Variants in SLC4A8 observed in about 807,000 individuals in gnomAD.
SLC4A8 encodes the protein electroneutral sodium bicarbonate exchanger 1.
A neutral mutation model predicts 125.0 loss-of-function variants in SLC4A8; 40 were observed. The ratio of observed to expected loss-of-function variants is 0.32; its 90% CI spans 0.25 to 0.42. The LOEUF (loss-of-function observed/expected upper bound fraction) is 0.42. Ranked by LOEUF, SLC4A8 falls within the 10% of genes least tolerant of loss-of-function variation. The pLI is 1.00. For missense variants in SLC4A8, 863 were observed against 1,355.1 expected, an observed-to-expected ratio of 0.64 and a Z score of 5.70; for synonymous variants, 456 against 476.0, an observed-to-expected ratio of 0.96 and a Z score of 0.55.
intron 13 of SLC4A8, among the ~76,000 whole-genome samples, 169 bp downstream of exon 13, chr12:51,470,694 C>A (rs946773876): frequency 1.3e-5 from 2 of 152,130 alleles, no homozygotes; most frequent in Admixed American, 6.5e-5. Context: ...TAGCACCATA[C>A]CCAAAATAGC....
In SLC4A8 at chr12:51,507,428, T is replaced by C. The variant is rs1265170326; in HGVS notation, c.3272T>C (p.Leu1091Pro). Residue 1091 changes from leucine (L) to proline (P), a missense_variant and splice_region_variant, in exon 25 of 25, where the codon CTC becomes CCC. Transcript: ENST00000453097. ...CTAATTGTAACACTTTTATTCAGTC[T>C]CTTCAACTAAGAGTCTTTGCTGGGA... is the stretch of plus-strand genomic sequence containing the variant. The part of the protein sequence containing the change: ...MNSGNAKEKS[L>P]FN 4 of 1,393,554 alleles carry C rather than the reference T, an allele frequency of 2.9e-6. No homozygotes were observed. Among genetic ancestry groups the C allele is most frequent in the African/African-American group, 1.5e-5 (1 of 68,224 alleles). 86.3% of individuals were successfully genotyped at this position (1,393,554 alleles called of 1,614,324 possible).
rs1050613247 is a variant in SLC4A8, at chr12:51,409,542, T to C, written c.-112+18054T>C. The stretch of plus-strand genomic sequence containing the variant: ...AATAATATAATTTAATCTCTTTCTT[T>C]TTGATATTTTTAAAGAGATGGGGTC... On this transcript the variant is annotated intron_variant, in intron 1 of 24. Coordinates refer to the SLC4A8 transcript ENST00000358657. Among the ~76,000 whole-genome samples, 14 of 152,172 alleles carry C rather than the reference T, an allele frequency of 9.2e-5. 1 individual carries two copies. Among genetic ancestry groups the C allele is most frequent in the Non-Finnish European group, 4.4e-5 (3 of 68,046 alleles).
At chr12:51,446,363 C>A (rs142191483) in intron 2 of SLC4A8, among the ~76,000 whole-genome samples, 1 of 152,200 alleles carries the variant, frequency 6.6e-6, no homozygotes, top group Admixed American at 6.5e-5. Context: ...ATCCTCTAAT[C>A]CTTACTGTTT....
intron 1 of SLC4A8, among the ~76,000 whole-genome samples, chr12:51,411,185 C>T (rs1160470104): frequency 6.6e-6 from 1 of 151,650 alleles, no homozygotes; most frequent in East Asian, 1.9e-4. Context: ...TTTCTCCTTC[C>T]CTGTCCCTTC....
intron 1 of SLC4A8, among the ~76,000 whole-genome samples, chr12:51,409,608 GGTGCAATCATA>G (rs1948558394): frequency 6.6e-6 from 1 of 152,118 alleles, no homozygotes. Flanking sequence ...GCTATTCATA[GGTGCAATCATA>G]GTGCACTGCA....
chr12:51,444,251 C>T (rs1221396463), intron 2 of SLC4A8, among the ~76,000 whole-genome samples: 1 of 152,134 alleles, frequency 6.6e-6, no homozygotes, highest in East Asian at 1.9e-4. Flanking sequence ...GTGCTATATT[C>T]ATTTCCTAGT....
chr12:51,392,641 C>G (rs1948160571), intron 1 of SLC4A8: 1 of 151,822 alleles, frequency 6.6e-6, no homozygotes, highest in African/African-American at 2.4e-5. Context: ...CTAAATATTC[C>G]GAAACTCGGG....
intron 1 of SLC4A8, among the ~76,000 whole-genome samples, chr12:51,402,607 A>G (rs1948412748): frequency 1.3e-5 from 2 of 152,108 alleles, no homozygotes; most frequent in African/African-American, 4.8e-5. Flanking sequence ...CTGTAATCCC[A>G]GCTACCTGGG....
chr12:51,468,714 G>A (rs140912961), intron 11 of SLC4A8, among the ~76,000 whole-genome samples: 108 of 152,222 alleles, frequency 7.1e-4, no homozygotes, highest in African/African-American at 2.6e-3. Context: ...GACCAGAGAT[G>A]GCGCCACTGC....
intron 16 of SLC4A8, among the ~76,000 whole-genome samples, chr12:51,484,100 A>G (rs1344784207): frequency 2.0e-5 from 3 of 152,110 alleles, no homozygotes; most frequent in African/African-American, 7.3e-5. Flanking sequence ...CACATTTTCA[A>G]TACAGGGTAC....
intron 1 of SLC4A8, among the ~76,000 whole-genome samples, chr12:51,400,605 A>G (rs907548245): frequency 4.6e-5 from 7 of 150,734 alleles, no homozygotes; most frequent in African/African-American, 1.7e-4. Context: ...AGAACACCTC[A>G]GGGGTCTGTG....
rs1479219028 is a variant in SLC4A8, at chr12:51,480,421, G to A, written c.2172+5215G>A. ...GCAATATTATCTGTGAGTGAAAAGTGGAATAATACGTGGATTGGGTCAACT... is the reference window on the plus strand; with the variant it reads ...GCAATATTATCTGTGAGTGAAAAGTAGAATAATACGTGGATTGGGTCAACT... On this transcript the variant is annotated intron_variant, in intron 16 of 24. Coordinates refer to ENST00000453097, the MANE Select transcript of SLC4A8 (RefSeq NM_001039960.3). 5.4e-6 allele frequency: 6 copies of A among 1,115,672 alleles called. 1 individual carries two copies. The South Asian group carries it at 1.2e-4, about 22-fold the overall frequency. The allele number at this position is 1,115,672 out of a possible 1,614,324, so 69.1% of individuals were successfully genotyped here. A position where few individuals can be genotyped will look rare whatever the true frequency, so the allele number is the denominator to read the frequency against.
chr12:51,489,408 T>C lies in SLC4A8; in HGVS notation c.2449-292T>C, dbSNP rs150847802. ...AATGGTCAAGATGTGGCAGGGTGTC[T>C]GGTTAATCTTCCAGAGAAGAATGGA... is the stretch of plus-strand genomic sequence containing the variant. On this transcript the variant is annotated intron_variant, in intron 18 of 24. Transcript: ENST00000453097. Among the ~76,000 whole-genome samples the C allele has an allele frequency of 3.3e-4, 50 of 152,322 alleles. 1 individual carries two copies. In the East Asian group the frequency reaches 9.6e-3, roughly 29 times the overall value.
chr12:51,417,746 G>C (rs1490956946), intron 1 of SLC4A8, among the ~76,000 whole-genome samples: 1 of 152,206 alleles, frequency 6.6e-6, no homozygotes, highest in Non-Finnish European at 1.5e-5. Flanking sequence ...TCGAACTCCT[G>C]ACCTCGTGAT....
chr12:51,406,560 G>A (rs573090411), intron 1 of SLC4A8, among the ~76,000 whole-genome samples: 1 of 152,338 alleles, frequency 6.6e-6, no homozygotes, highest in East Asian at 1.9e-4. Flanking sequence ...ATTTAGAAGA[G>A]GTGACATGAC....
rs1186424210 is a variant in SLC4A8, at chr12:51,462,226, G to A, written c.1102-84G>A. 15 of 1,243,112 alleles carry A rather than the reference G, an allele frequency of 1.2e-5. 1 individual carries two copies. The highest frequency in any genetic ancestry group is 1.7e-5 in the Admixed American group (1 of 58,900). The allele number at this position is 1,243,112 out of a possible 1,614,324, so 77.0% of individuals were successfully genotyped here. The stretch of plus-strand genomic sequence containing the variant: ...TGACAGAGATAAAAATCAACAGGTT[G>A]TATTCATTTTTCACCATATCCATTG... On this transcript the variant is annotated intron_variant, in intron 9 of 24. Coordinates refer to ENST00000453097, the MANE Select transcript of SLC4A8 (RefSeq NM_001039960.3).
rs1213153799 is a variant in SLC4A8, at chr12:51,507,501, G to A, written c.*63G>A. ...GCCTCAGGGAAGTTCTGGTTACAGA[G>A]AAAATGGCGAGTCTCTCAGAGAAGA... On this transcript the variant is annotated 3_prime_UTR_variant, in exon 25 of 25. Transcript: ENST00000453097. 1.6e-6 allele frequency: 2 copies of A among 1,216,402 alleles called. No homozygotes were observed. The highest frequency in any genetic ancestry group is 1.1e-6 in the Non-Finnish European group (1 of 920,530). 75.4% of individuals were successfully genotyped at this position (1,216,402 alleles called of 1,614,324 possible).
chr12:51,485,869 C>T lies in SLC4A8; in HGVS notation c.2255C>T (p.Ser752Leu), dbSNP rs1433033804. 6.2e-7 allele frequency: 1 copy of T among 1,611,556 alleles called. No individual in the cohort carries two copies. Among genetic ancestry groups the T allele is most frequent in the Non-Finnish European group, 8.5e-7 (1 of 1,177,678 alleles). ...ATTGATTTTTTGATTGGAGTCCCATCACCAAAGCTTCAAGTTCCCAGTGTG... is the reference window on the plus strand; with the variant it reads ...ATTGATTTTTTGATTGGAGTCCCATTACCAAAGCTTCAAGTTCCCAGTGTG... ...VIIDFLIGVP[S>L]PKLQVPSVFK... The change falls in exon 17 of 25, where the codon TCA (serine) becomes TTA (leucine). Residue 752 changes from serine to leucine, a missense_variant. By Grantham distance (145) the Ser-to-Leu change is moderately radical. Coordinates refer to ENST00000453097, the MANE Select transcript of SLC4A8 (RefSeq NM_001039960.3).
At chr12:51,501,043 A>G (rs1937855136) in intron 22 of SLC4A8, among the ~76,000 whole-genome samples, 1 of 152,098 alleles carries the variant, frequency 6.6e-6, no homozygotes, top group South Asian at 2.1e-4. Context: ...GATAGCCAGG[A>G]TGGTCTCGAT....
Sources: allele counts gnomAD v4.1 joint callset (sites outside exome capture counted in the v4.1 genomes callset), GRCh38; gene constraint gnomAD v4.1.1; transcripts MANE v1.5; gene names NCBI Gene and HGNC (gene_info 2026-07-23, HGNC 2026-07-21).